The following CDC42SE2 variants were observed in gnomAD, a reference collection of about 807,000 sequenced individuals.
CDC42SE2 encodes CDC42 small effector protein 2.
A neutral mutation model predicts 11.5 loss-of-function variants in CDC42SE2; 3 were observed. The ratio of observed to expected loss-of-function variants is 0.26; its 90% CI spans 0.12 to 0.67. The LOEUF is 0.67. CDC42SE2 is among the 30% of genes least tolerant of loss of function. CDC42SE2 has a pLI of 0.80. For missense variants in CDC42SE2, 82 were observed against 106.8 expected (o/e 0.77, Z 1.02); for synonymous variants, 33 against 34.8 (o/e 0.95, Z 0.18).
chr5:131,316,677 A>T (rs1056890522), intron 2 of CDC42SE2, among the ~76,000 whole-genome samples: 1 of 152,178 alleles, frequency 6.6e-6, no homozygotes, highest in Non-Finnish European at 1.5e-5. Context: ...TGATGTGTGG[A>T]AGTGCTGGAG....
Position 131,393,817 on chromosome 5 carries a change from G to GTTTTTTTTTTTTTTTTTTTTTTTTTT in CDC42SE2, c.*2727_*2752dup, listed in dbSNP as rs71000990. ...GATTTTAGTCTTTTTCCAAATCGCT[G>GTTTTTTTTTTTTTTTTTTTTTTTTTT]TTTTTTTTTTTTTTTTTTTTTTTTT... On this transcript the variant is annotated 3_prime_UTR_variant, in exon 5 of 5. Coordinates refer to ENST00000505065, the MANE Select transcript of CDC42SE2 (RefSeq NM_001375635.1). The GTTTTTTTTTTTTTTTTTTTTTTTTTT allele has an allele frequency of 8.4e-6, 1 of 118,706 alleles. No homozygotes were observed. Among genetic ancestry groups the GTTTTTTTTTTTTTTTTTTTTTTTTTT allele is most frequent in the Non-Finnish European group, 1.7e-5 (1 of 58,190 alleles). The allele number at this position is 118,706 out of a possible 1,614,324, so 7.4% of individuals were successfully genotyped here.
intron 1 of CDC42SE2, among the ~76,000 whole-genome samples, chr5:131,301,710 A>G (rs1421526170): frequency 1.3e-5 from 2 of 151,622 alleles, no homozygotes; most frequent in East Asian, 3.9e-4. Context: ...GTGAGCCAAG[A>G]TCACGCCACT....
At chr5:131,312,673 A>G (rs886626897) in intron 1 of CDC42SE2, among the ~76,000 whole-genome samples, 28 of 152,084 alleles carry the variant, frequency 1.8e-4, no homozygotes, top group African/African-American at 6.8e-4. Flanking sequence ...TCGGAAAAGC[A>G]CAGTATTTGG....
intron 2 of CDC42SE2, among the ~76,000 whole-genome samples, chr5:131,344,991 A>G (rs1268157272): frequency 6.6e-6 from 1 of 152,206 alleles, no homozygotes; most frequent in Non-Finnish European, 1.5e-5. Flanking sequence ...CCAAAACCCC[A>G]TCTGTACGTC....
chr5:131,337,775 G>T (rs1027222915), intron 2 of CDC42SE2, among the ~76,000 whole-genome samples: 6 of 152,236 alleles, frequency 3.9e-5, no homozygotes, highest in Non-Finnish European at 5.9e-5. Flanking sequence ...AGCCATGTGT[G>T]GGATATAATC....
the CDC42SE2 span, among the ~76,000 whole-genome samples, chr5:131,221,877 C>T: frequency 6.6e-6 from 1 of 152,124 alleles, no homozygotes; most frequent in Non-Finnish European, 1.5e-5. Context: ...GTGAATTGCA[C>T]AAATTTAATA....
intron 2 of CDC42SE2, among the ~76,000 whole-genome samples, chr5:131,320,502 G>T (rs575609359): frequency 6.6e-6 from 1 of 152,108 alleles, no homozygotes; most frequent in African/African-American, 2.4e-5. Flanking sequence ...AGCACTTTGG[G>T]AGGCCGAGGA....
chr5:131,354,245 AT>A (rs1486412581), intron 2 of CDC42SE2, among the ~76,000 whole-genome samples: 1 of 152,136 alleles, frequency 6.6e-6, no homozygotes, highest in Non-Finnish European at 1.5e-5. Flanking sequence ...CTCAAAAAAA[AT>A]AAAATAAAAT....
At chr5:131,299,743 C>T (rs1443964113) in intron 1 of CDC42SE2, among the ~76,000 whole-genome samples, 1 of 152,066 alleles carries the variant, frequency 6.6e-6, no homozygotes, top group African/African-American at 2.4e-5. Context: ...TGATGCTAAT[C>T]GAACTCAGGG....
chr5:131,359,526 T>C lies in CDC42SE2; in HGVS notation c.33T>C (p.Cys11=). The C allele has an allele frequency of 6.2e-7, 1 of 1,613,356 alleles. No individual in the cohort carries two copies. Among genetic ancestry groups the C allele is most frequent in the Non-Finnish European group, 8.5e-7 (1 of 1,179,290 alleles). ...AATTCTGGTTGTGTTTCAACTGCTG[T>C]ATTGCAGAACAGCCTCAGCCTGTAA... MSEFWLCFNC[C]IAEQPQPKRR... The change falls in exon 3 of 5, where the codon TGT becomes TGC. Residue 11 remains cysteine (C), a synonymous_variant. Coordinates refer to ENST00000505065, the MANE Select transcript of CDC42SE2 (RefSeq NM_001375635.1).
In CDC42SE2 at chr5:131,250,063, G is replaced by A. The variant is rs145827955; in HGVS notation, n.107+4464G>A. 3.3e-3 allele frequency among the ~76,000 whole-genome samples: 501 copies of A among 152,258 alleles called. 4 individuals are homozygous for A. The highest frequency in any genetic ancestry group is 0.012 in the African/African-American group (491 of 41,546). On this transcript the variant is annotated intron_variant and non_coding_transcript_variant, in intron 1 of 3. Coordinates refer to the CDC42SE2 transcript ENST00000502840. Reference sequence around the variant, plus strand: ...CAGAAAATGCAAATTGGCAAATTGTGTCATTATCACTCCAAATTGAATATT... The same window carrying A: ...CAGAAAATGCAAATTGGCAAATTGTATCATTATCACTCCAAATTGAATATT...
At chr5:131,380,615 T>C (rs1483603681) in intron 3 of CDC42SE2, among the ~76,000 whole-genome samples, 1 of 152,056 alleles carries the variant, frequency 6.6e-6, no homozygotes, top group African/African-American at 2.4e-5. Context: ...CACCTGTGTC[T>C]AGATCCACCT....
intron 2 of CDC42SE2, among the ~76,000 whole-genome samples, chr5:131,334,463 A>G (rs1758504352): frequency 6.6e-6 from 1 of 152,098 alleles, no homozygotes; most frequent in African/African-American, 2.4e-5. Context: ...TGGTATCAGG[A>G]TGATGCTGGC....
chr5:131,295,011 C>T (rs923012261), intron 1 of CDC42SE2, among the ~76,000 whole-genome samples: 3 of 151,958 alleles, frequency 2.0e-5, no homozygotes, highest in African/African-American at 7.3e-5. Flanking sequence ...CCTGTAGTCC[C>T]AGCTACTCGG....
At chr5:131,237,382 T>C in the CDC42SE2 span, among the ~76,000 whole-genome samples, 3 of 152,244 alleles carry the variant, frequency 2.0e-5, no homozygotes, top group Non-Finnish European at 4.4e-5. Context: ...CTGATTTCTG[T>C]AGTTGCTACT....
At chr5:131,342,089 G>A (rs2149753438) in intron 2 of CDC42SE2, among the ~76,000 whole-genome samples, 2 of 151,942 alleles carry the variant, frequency 1.3e-5, no homozygotes, top group Middle Eastern at 3.4e-3. Context: ...AGACCATCCT[G>A]GCCAACATGG....
At chr5:131,335,653 T>A (rs1318125208) in intron 2 of CDC42SE2, among the ~76,000 whole-genome samples, 1 of 152,250 alleles carries the variant, frequency 6.6e-6, no homozygotes, top group East Asian at 1.9e-4. Flanking sequence ...TGGGTGCTCC[T>A]GTATTGGATG....
At chr5:131,344,012 G>A (rs1002015504) in intron 2 of CDC42SE2, among the ~76,000 whole-genome samples, 1 of 152,164 alleles carries the variant, frequency 6.6e-6, no homozygotes. Context: ...ATTTAAGTGG[G>A]AAAAGGAAGA....
chr5:131,266,145 T>A (rs1287363628), intron 1 of CDC42SE2, among the ~76,000 whole-genome samples: 1 of 152,188 alleles, frequency 6.6e-6, no homozygotes, highest in Admixed American at 6.5e-5. Context: ...AACTACTAAT[T>A]TAAAAGGATG....
Sources: gnomAD v4.1 joint callset for allele counts (sites outside exome capture counted in the v4.1 genomes callset) on GRCh38, gnomAD v4.1.1 for gene constraint, MANE v1.5 for transcripts, NCBI Gene and HGNC (gene_info 2026-07-23, HGNC 2026-07-21) for gene names.